The following FMN1 variants were observed in gnomAD, a reference collection of about 807,000 sequenced individuals.
The protein encoded by FMN1 is formin 1.
FMN1 carries 110 observed loss-of-function variants against 132.4 expected under a neutral mutation model. That is an observed-to-expected ratio of 0.83 (90% CI 0.71 to 0.97). The LOEUF (loss-of-function observed/expected upper bound fraction) is 0.97, where lower values mean the gene tolerates loss of function less well. Ranked by LOEUF, FMN1 falls within the 50% of genes least tolerant of loss-of-function variation. The pLI is 0.00. For synonymous variants in FMN1, 722 were observed against 651.7 expected, an observed-to-expected ratio of 1.11 and a Z score of -1.64; for missense variants, 1,792 against 1,705.3, an observed-to-expected ratio of 1.05 and a Z score of -0.90.
At chr15:32,815,762 G>C (rs751325800) in intron 17 of FMN1, among the ~76,000 whole-genome samples, 2 of 152,180 alleles carry the variant, frequency 1.3e-5, no homozygotes, top group Non-Finnish European at 2.9e-5. Flanking sequence ...AGCACAGTCA[G>C]ATTGGTGGTG....
At chr15:33,100,983 TAA>T (rs1318195267) in intron 4 of FMN1, among the ~76,000 whole-genome samples, 1 of 152,198 alleles carries the variant, frequency 6.6e-6, no homozygotes, top group Non-Finnish European at 1.5e-5. Flanking sequence ...TTTAAACACA[TAA>T]AAGAGATCAA....
chr15:33,034,560 G>A (rs911593163), intron 6 of FMN1, among the ~76,000 whole-genome samples: 5 of 152,180 alleles, frequency 3.3e-5, no homozygotes, highest in Admixed American at 1.3e-4. Context: ...CTGGGCAACA[G>A]AGAGAGACCT....
rs1413778369 is a variant in FMN1 at position 32,791,984 on chromosome 15, CA to C, written c.4130+6819del. Among the ~76,000 whole-genome samples the C allele has an allele frequency of 2.6e-5, 4 of 151,922 alleles. No individual in the cohort carries two copies. The East Asian group carries it at 7.8e-4, about 29-fold the overall frequency. ...AAGCTGTGAAAATAGTTGGGACTAA[CA>C]AAACAGAGAATAGAGCAGAAAAGAG... On this transcript the variant is annotated intron_variant, in intron 19 of 20. Coordinates refer to ENST00000616417, the MANE Select transcript of FMN1 (RefSeq NM_001277313.2).
chr15:33,007,252 C>A (rs2034469756), intron 7 of FMN1, among the ~76,000 whole-genome samples: 1 of 152,074 alleles, frequency 6.6e-6, no homozygotes, highest in Admixed American at 6.6e-5. Context: ...ATTAAATTAG[C>A]AGTCATGAGT....
At chr15:33,122,415 G>A (rs926844246) in intron 4 of FMN1, among the ~76,000 whole-genome samples, 1 of 152,130 alleles carries the variant, frequency 6.6e-6, no homozygotes, top group African/African-American at 2.4e-5. Flanking sequence ...AGTAAGGTAG[G>A]TCAGAGTAGG....
chr15:32,776,949 AGAGAGG>A, intron 19 of FMN1, 30 bp from the exon 20 acceptor site: 2 of 1,340,732 alleles, frequency 1.5e-6, no homozygotes, highest in East Asian at 4.8e-5. Context: ...AAGACAGGGG[AGAGAGG>A]GAAAAGAAAG....
chr15:32,898,092 T>C (rs2060203250), intron 15 of FMN1, among the ~76,000 whole-genome samples: 1 of 152,206 alleles, frequency 6.6e-6, no homozygotes, highest in Admixed American at 6.5e-5. Context: ...ACTTGTCTTC[T>C]GGATGAAACT....
intron 7 of FMN1, among the ~76,000 whole-genome samples, chr15:33,000,147 A>T (rs888348948): frequency 3.3e-5 from 5 of 152,170 alleles, no homozygotes; most frequent in Admixed American, 6.5e-5. Context: ...AGTAACTAAA[A>T]GGTTAAAAAC....
chr15:32,920,104 G>A lies in FMN1; in HGVS notation c.3226+6070C>T, dbSNP rs376267866. On this transcript the variant is annotated intron_variant, in intron 10 of 20. Coordinates refer to ENST00000616417, the MANE Select transcript of FMN1 (RefSeq NM_001277313.2). ...GGGAAATTCCAAATGAATGCCAGGA[G>A]GTTTCTGGCATCTAGTCTGTTGCAA... Among the ~76,000 whole-genome samples the A allele has an allele frequency of 1.3e-5, 2 of 152,274 alleles. 1 individual carries two copies. The highest frequency in any genetic ancestry group is 4.8e-5 in the African/African-American group (2 of 41,562).
chr15:33,051,070 G>A (rs745571418), intron 6 of FMN1, among the ~76,000 whole-genome samples: 4 of 152,208 alleles, frequency 2.6e-5, no homozygotes, highest in Non-Finnish European at 1.5e-5. Context: ...GTAAGTAACT[G>A]TTCACAAGGA....
intron 17 of FMN1, among the ~76,000 whole-genome samples, chr15:32,809,224 T>C (rs1041512378): frequency 6.6e-6 from 1 of 152,088 alleles, no homozygotes; most frequent in Non-Finnish European, 1.5e-5. Context: ...TAAAAGACAA[T>C]GATACAGGAG....
chr15:32,929,380 C>T (rs1370363550), intron 9 of FMN1, among the ~76,000 whole-genome samples: 1 of 152,088 alleles, frequency 6.6e-6, no homozygotes, highest in Non-Finnish European at 1.5e-5. Context: ...GTCTCTTCGT[C>T]TTTTTTTTCT....
At chr15:32,781,069 A>T (rs1165007390) in intron 19 of FMN1, among the ~76,000 whole-genome samples, 3 of 152,208 alleles carry the variant, frequency 2.0e-5, no homozygotes, top group Admixed American at 2.0e-4. Flanking sequence ...CTTCATTTTT[A>T]AACTTAAAAT....
chr15:33,150,048 GC>G, intron 4 of FMN1: 1 of 985,434 alleles, frequency 1.0e-6, no homozygotes, highest in Non-Finnish European at 1.2e-6. Flanking sequence ...TGGAGCATAT[GC>G]TTCCATCACC....
At chr15:32,909,428 G>GT (rs2141657161) in intron 11 of FMN1, among the ~76,000 whole-genome samples, 1 of 152,304 alleles carries the variant, frequency 6.6e-6, no homozygotes, top group Non-Finnish European at 1.5e-5. Context: ...TAGTGGAAAC[G>GT]TGAGAAGTTC....
intron 15 of FMN1, among the ~76,000 whole-genome samples, chr15:32,898,344 T>C (rs2060209756): frequency 6.6e-6 from 1 of 152,238 alleles, no homozygotes; most frequent in South Asian, 2.1e-4. Flanking sequence ...TCAGATGGAC[T>C]CACACAGAAA....
At chr15:33,180,744 CTTTTTTTTT>C (rs35033683) in intron 2 of FMN1, among the ~76,000 whole-genome samples, 1 of 108,244 alleles carries the variant, frequency 9.2e-6, no homozygotes, top group Admixed American at 1.1e-4. Flanking sequence ...CTCCTGCTGC[CTTTTTTTTT>C]TTTTTTTTTT....
intron 17 of FMN1, among the ~76,000 whole-genome samples, chr15:32,840,622 C>T (rs116488084): frequency 0.011 from 1,738 of 152,272 alleles, 39 homozygotes; most frequent in African/African-American, 0.039. Flanking sequence ...TTGGCTATTT[C>T]GTTCAGTGCC....
At position 33,154,514 on chromosome 15, in the gene FMN1, T is replaced by G. The variant is rs554892734; in HGVS notation, c.401A>C (p.Gln134Pro). 2.9e-4 allele frequency: 445 copies of G among 1,536,070 alleles called. 3 individuals carry two copies. The South Asian group carries it at 4.7e-3, about 16-fold the overall frequency. ...CTCTCCCTGCCAGTCACCAGCACTC[T>G]GGAAACAGTCATCCTCGGGGGCCAG... ...VSLAPEDDCF[Q>P]SAGDWQGELP... The change falls in exon 4 of 21, where the codon CAG becomes CCG. Residue 134 changes from glutamine (Q) to proline (P), a missense_variant. Transcript: ENST00000616417.
Sources: gnomAD v4.1 joint callset for allele counts (sites outside exome capture counted in the v4.1 genomes callset) on GRCh38, gnomAD v4.1.1 for gene constraint, MANE v1.5 for transcripts, NCBI Gene and HGNC (gene_info 2026-07-23, HGNC 2026-07-21) for gene names.